KIAA1328: variants seen among roughly 807,000 people sequenced by gnomAD.
KIAA1328 encodes protein hinderin.
A neutral mutation model predicts 68.1 loss-of-function variants in KIAA1328; 52 were observed. The observed-to-expected ratio is 0.76, with a 90% CI of 0.61 to 0.96. The LOEUF (loss-of-function observed/expected upper bound fraction) is 0.96. Ranked by LOEUF, KIAA1328 falls within the 40% of genes least tolerant of loss-of-function variation. The pLI is 0.00. For missense variants in KIAA1328, 641 were observed against 677.6 expected, an observed-to-expected ratio of 0.95 and a Z score of 0.60; for synonymous variants, 232 against 239.4, an observed-to-expected ratio of 0.97 and a Z score of 0.28.
intron 5 of KIAA1328, among the ~76,000 whole-genome samples, chr18:36,930,786 A>T (rs1003233184): frequency 6.6e-6 from 1 of 151,954 alleles, no homozygotes; most frequent in Non-Finnish European, 1.5e-5. Flanking sequence ...CTGTCTTTTG[A>T]TTAAATTAGA....
chr18:37,118,761 T>C (rs1029432059), intron 7 of KIAA1328, among the ~76,000 whole-genome samples: 1 of 152,092 alleles, frequency 6.6e-6, no homozygotes, highest in Non-Finnish European at 1.5e-5. Context: ...GAAGCAAAAA[T>C]TTTGCTCGCA....
intron 7 of KIAA1328, chr18:37,075,728 G>C (rs914444673): frequency 1.3e-5 from 2 of 152,136 alleles, no homozygotes; most frequent in Non-Finnish European, 2.9e-5. Context: ...GATCAAAAGA[G>C]ACAAATAAGG....
In KIAA1328 at chr18:37,223,046, C is replaced by CTGGGGGGG; in HGVS notation, c.*819_*820insTGGGGGGG. 5.7e-6 allele frequency: 5 copies of CTGGGGGGG among 881,398 alleles called. No homozygotes were observed. Among genetic ancestry groups the CTGGGGGGG allele is most frequent in the Middle Eastern group, 5.7e-4 (1 of 1,744 alleles). 54.6% of individuals were successfully genotyped at this position (881,398 alleles called of 1,614,324 possible). ...TATTTACCCAAGTGTTCAGCTTATTCACCCCACCCCCCCACCCCCCATCAC... is the reference window on the plus strand; with the variant it reads ...TATTTACCCAAGTGTTCAGCTTATTCTGGGGGGGACCCCACCCCCCCACCCCCCATCAC... On this transcript the variant is annotated 3_prime_UTR_variant, in exon 10 of 10. Transcript: ENST00000280020.
At chr18:37,137,226 G>T (rs937999551) in intron 7 of KIAA1328, among the ~76,000 whole-genome samples, 40 of 152,030 alleles carry the variant, frequency 2.6e-4, no homozygotes, top group Non-Finnish European at 1.3e-4. Flanking sequence ...ATACTGCTTA[G>T]AGGTCCCCAG....
At chr18:37,159,984 T>C (rs2059242742) in intron 7 of KIAA1328, among the ~76,000 whole-genome samples, 2 of 152,182 alleles carry the variant, frequency 1.3e-5, no homozygotes, top group Admixed American at 1.3e-4. Context: ...ACTCCCAGTG[T>C]AAGCTTTTTG....
At chr18:37,189,949 G>A (rs2154217226) in intron 9 of KIAA1328, among the ~76,000 whole-genome samples, 1 of 152,176 alleles carries the variant, frequency 6.6e-6, no homozygotes, top group South Asian at 2.1e-4. Context: ...TTAGTATTTA[G>A]TATATTTCCT....
At chr18:36,888,438 G>A (rs187092373) in intron 5 of KIAA1328, among the ~76,000 whole-genome samples, 4 of 152,274 alleles carry the variant, frequency 2.6e-5, no homozygotes, top group Admixed American at 1.3e-4. Context: ...ATGTGGCATA[G>A]TCAGACTTAT....
chr18:37,029,648 A>G (rs890996313), intron 6 of KIAA1328, among the ~76,000 whole-genome samples: 2 of 152,174 alleles, frequency 1.3e-5, no homozygotes, highest in Non-Finnish European at 2.9e-5. Flanking sequence ...TACCAAGTGC[A>G]GACATCTATA....
chr18:36,838,441 T>C (rs1004434303), intron 3 of KIAA1328, among the ~76,000 whole-genome samples: 1 of 152,228 alleles, frequency 6.6e-6, no homozygotes, highest in Non-Finnish European at 1.5e-5. Flanking sequence ...CCTTTAACAT[T>C]AGTTCAGGTA....
chr18:36,833,156 T>C (rs2046554624), intron 1 of KIAA1328: 1 of 152,066 alleles, frequency 6.6e-6, no homozygotes, highest in Non-Finnish European at 1.5e-5. Flanking sequence ...TTCAATGATA[T>C]TGGTGCTGTG....
rs112066704 is a variant in KIAA1328 at position 36,890,239 on chromosome 18, T to A, written c.448+4567T>A. Reference sequence around the variant, plus strand: ...TTCTTTCTTCTTCTTTTTTTTTTTTTAAAAAAAAAGCAAAATCACCTTTAT... The same window carrying A: ...TTCTTTCTTCTTCTTTTTTTTTTTTAAAAAAAAAAGCAAAATCACCTTTAT... On this transcript the variant is annotated intron_variant, in intron 5 of 9. Coordinates refer to ENST00000280020, the MANE Select transcript of KIAA1328 (RefSeq NM_020776.3). Among the ~76,000 whole-genome samples the A allele has an allele frequency of 8.2e-3, 1,146 of 140,430 alleles. 3 individuals carry two copies. Among genetic ancestry groups the A allele is most frequent in the African/African-American group, 0.015 (606 of 39,762 alleles). 92.1% of individuals were successfully genotyped at this position (140,430 alleles called of 152,430 possible). A position where few individuals can be genotyped will look rare whatever the true frequency, so the allele number is the denominator to read the frequency against.
chr18:36,985,249 A>G (rs978767921), intron 6 of KIAA1328, among the ~76,000 whole-genome samples: 5 of 152,190 alleles, frequency 3.3e-5, no homozygotes, highest in Non-Finnish European at 7.3e-5. Flanking sequence ...ACAGTGAGCC[A>G]GGATCACACC....
At chr18:36,915,393 ACT>A (rs2049650158) in intron 5 of KIAA1328, among the ~76,000 whole-genome samples, 1 of 151,896 alleles carries the variant, frequency 6.6e-6, no homozygotes, top group Non-Finnish European at 1.5e-5. Flanking sequence ...GGGGAAAAAA[ACT>A]ATTCTCCCGT....
chr18:37,122,624 G>T (rs1279582302), intron 7 of KIAA1328, among the ~76,000 whole-genome samples: 1 of 151,958 alleles, frequency 6.6e-6, no homozygotes, highest in Non-Finnish European at 1.5e-5. Context: ...TACTGTAATA[G>T]GAGGGAATGT....
At chr18:37,079,322 G>T (rs2056864050) in intron 7 of KIAA1328, among the ~76,000 whole-genome samples, 1 of 112,430 alleles carries the variant, frequency 8.9e-6, no homozygotes, top group Non-Finnish European at 1.7e-5. Flanking sequence ...ACACAGCGGG[G>T]CCTGTTGTGG....
intron 5 of KIAA1328, among the ~76,000 whole-genome samples, chr18:36,894,758 C>T (rs1234209314): frequency 1.3e-5 from 2 of 152,136 alleles, no homozygotes; most frequent in Non-Finnish European, 2.9e-5. Context: ...CTTCTGGGCT[C>T]AAGCGATCCT....
intron 5 of KIAA1328, among the ~76,000 whole-genome samples, chr18:36,909,064 A>T (rs1171712548): frequency 6.6e-6 from 1 of 152,102 alleles, no homozygotes; most frequent in Non-Finnish European, 1.5e-5. Flanking sequence ...TCATATATTT[A>T]CCCTTCTGTT....
intron 3 of KIAA1328, among the ~76,000 whole-genome samples, chr18:36,842,831 A>C (rs1303689986): frequency 6.6e-6 from 1 of 151,924 alleles, no homozygotes; most frequent in African/African-American, 2.4e-5. Context: ...AATCATTAGC[A>C]CTGTTGAACC....
At chr18:36,845,572 A>C (rs942516640) in intron 4 of KIAA1328, among the ~76,000 whole-genome samples, 3 of 151,788 alleles carry the variant, frequency 2.0e-5, no homozygotes, top group African/African-American at 7.2e-5. Flanking sequence ...CAGACTGAGA[A>C]TAAAACGCAT....
Sources: allele counts gnomAD v4.1 joint callset (sites outside exome capture counted in the v4.1 genomes callset), GRCh38; gene constraint gnomAD v4.1.1; transcripts MANE v1.5; gene names NCBI Gene and HGNC (gene_info 2026-07-23, HGNC 2026-07-21).